The following VPS35L variants were observed in gnomAD, a reference collection of about 807,000 sequenced individuals.
The protein encoded by VPS35L is VPS35 endosomal protein-sorting factor-like.
VPS35L carries 83 observed loss-of-function variants against 133.0 expected under a neutral mutation model. That is an observed-to-expected ratio of 0.62 (90% CI 0.52 to 0.75). The LOEUF is 0.75. Ranked by LOEUF, VPS35L falls within the 30% of genes least tolerant of loss-of-function variation. VPS35L has a pLI of 0.00. For synonymous variants in VPS35L, 423 were observed against 449.9 expected (o/e 0.94, Z 0.76); for missense variants, 1,083 against 1,206.8 (o/e 0.90, Z 1.52).
In VPS35L at chr16:19,633,289, C is replaced by T; in HGVS notation, c.1635+117C>T. 1.1e-6 allele frequency: 1 copy of T among 933,974 alleles called. No homozygotes were observed. Among genetic ancestry groups the T allele is most frequent in the Non-Finnish European group, 1.7e-6 (1 of 583,670 alleles). 57.9% of individuals were successfully genotyped at this position (933,974 alleles called of 1,614,324 possible). ...ACATAATCCTGTGTTTGAATCATAG[C>T]TCTGCCATATCCTAGCCATGTGCCC... On this transcript the variant is annotated intron_variant, in intron 19 of 30. Coordinates refer to ENST00000417362, the MANE Select transcript of VPS35L (RefSeq NM_020314.7). The surrounding 1 kb of genome is among the most constrained non-coding windows in gnomAD (Gnocchi z 4.1).
At chr16:19,557,787 A>C (rs989995799) in intron 1 of VPS35L, among the ~76,000 whole-genome samples, 1 of 151,810 alleles carries the variant, frequency 6.6e-6, no homozygotes, top group Non-Finnish European at 1.5e-5. Context: ...GCGGTCACTC[A>C]TGCCTGTAAT....
In VPS35L at chr16:19,629,823, A is replaced by ATGTGTGAC. The variant is rs1460640037; in HGVS notation, c.1554+8_1554+15dup. 5 of 1,612,768 alleles carry ATGTGTGAC rather than the reference A, an allele frequency of 3.1e-6. No homozygotes were observed. The highest frequency in any genetic ancestry group is 1.7e-5 in the Admixed American group (1 of 59,998). ...AATACACCTGCAAGCATTTCACGGT[A>ATGTGTGAC]TGTGTGACTGTGGTATTGTTTTTGA... On this transcript the variant is annotated splice_donor_region_variant and intron_variant, in intron 18 of 30. Coordinates refer to ENST00000417362, the MANE Select transcript of VPS35L (RefSeq NM_020314.7).
intron 28 of VPS35L, among the ~76,000 whole-genome samples, chr16:19,687,457 A>G (rs1324088816): frequency 6.6e-6 from 1 of 152,210 alleles, no homozygotes; most frequent in African/African-American, 2.4e-5. Flanking sequence ...GGTACAAGTC[A>G]TGACACAGCA....
chr16:19,569,075 G>A (rs1017757021), intron 2 of VPS35L, among the ~76,000 whole-genome samples: 4 of 152,272 alleles, frequency 2.6e-5, no homozygotes, highest in East Asian at 3.9e-4. Flanking sequence ...GGTAGTTGGC[G>A]ATTTGCAACT....
chr16:19,664,073 T>C (rs1974581598), intron 26 of VPS35L, among the ~76,000 whole-genome samples: 4 of 152,066 alleles, frequency 2.6e-5, no homozygotes, highest in Admixed American at 2.6e-4. Flanking sequence ...GCCTGAAACT[T>C]CAGATGGAAA....
intron 24 of VPS35L, among the ~76,000 whole-genome samples, chr16:19,648,646 T>A (rs1031619265): frequency 6.6e-6 from 1 of 152,122 alleles, no homozygotes; most frequent in African/African-American, 2.4e-5. Context: ...GGCTAGCAGA[T>A]CACTTGAGGT....
At chr16:19,656,962 G>GTTTTTTTTTTTTT (rs1180404849) in intron 26 of VPS35L, among the ~76,000 whole-genome samples, 1 of 109,560 alleles carries the variant, frequency 9.1e-6, no homozygotes, top group Non-Finnish European at 1.8e-5. Context: ...AAAAGAACTT[G>GTTTTTTTTTTTTT]TTTTTTTTTT....
chr16:19,590,190 G>A (rs1299194004), intron 7 of VPS35L, among the ~76,000 whole-genome samples: 4 of 122,470 alleles, frequency 3.3e-5, no homozygotes, highest in East Asian at 4.7e-4. Context: ...GGGATGTTTC[G>A]CAAATCAGAC....
chr16:19,696,101 G>T (rs1463657952), intron 29 of VPS35L, among the ~76,000 whole-genome samples: 1 of 152,040 alleles, frequency 6.6e-6, no homozygotes, highest in Non-Finnish European at 1.5e-5. Context: ...AGCCAGGATG[G>T]TCTCGATCTC....
intron 18 of VPS35L, among the ~76,000 whole-genome samples, chr16:19,630,120 A>G (rs1197559364): frequency 6.6e-6 from 1 of 152,068 alleles, no homozygotes; most frequent in Non-Finnish European, 1.5e-5. Context: ...GCGACTGTAC[A>G]TCAGAGTCTA....
rs1451130929 is a variant in VPS35L, at chr16:19,699,644, C to T, written c.2789C>T (p.Thr930Ile). 1.2e-6 allele frequency: 2 copies of T among 1,613,566 alleles called. No individual in the cohort carries two copies. Among genetic ancestry groups the T allele is most frequent in the East Asian group, 2.2e-5 (1 of 44,878 alleles). The change falls in exon 30 of 31, where the codon ACC becomes ATC. Residue 930 changes from threonine to isoleucine, a missense_variant. By Grantham distance (89) the Thr-to-Ile change is moderately conservative. Transcript: ENST00000417362. The surrounding 1 kb of genome is among the most constrained non-coding windows in gnomAD (Gnocchi z 4.2). ...AGGCACGGCTGTGCAGACACCAGGA[C>T]CATGGTGAGGCGCTCGGAGGGCCCC... is the stretch of plus-strand genomic sequence containing the variant. ...AQRHGCADTRTMVKTLEYIKK... is the reference protein window; with the variant it reads ...AQRHGCADTRIMVKTLEYIKK...
intron 9 of VPS35L, among the ~76,000 whole-genome samples, chr16:19,602,098 G>T (rs1972402767): frequency 6.6e-6 from 1 of 152,124 alleles, no homozygotes; most frequent in Non-Finnish European, 1.5e-5. Context: ...ATTAAAGAAT[G>T]ATGTCAAATA....
At chr16:19,605,921 G>A (rs1010011910) in intron 9 of VPS35L, among the ~76,000 whole-genome samples, 2 of 152,158 alleles carry the variant, frequency 1.3e-5, no homozygotes, top group African/African-American at 4.8e-5. Context: ...TCTCCCCAAA[G>A]CCTGGAACAC....
At chr16:19,654,458 C>T (rs147702567) in intron 26 of VPS35L, among the ~76,000 whole-genome samples, 5 of 151,320 alleles carry the variant, frequency 3.3e-5, no homozygotes, top group African/African-American at 1.2e-4. Context: ...TATCGGGAGG[C>T]TGAGGCACAA....
At chr16:19,590,045 G>A (rs11860182) in intron 7 of VPS35L, among the ~76,000 whole-genome samples, 5,551 of 151,326 alleles carry the variant, frequency 0.037, 341 homozygotes, top group African/African-American at 0.13. Context: ...TATGAAAATC[G>A]CAGAGCGAGG....
intron 14 of VPS35L, among the ~76,000 whole-genome samples, chr16:19,625,304 A>G (rs1013136009): frequency 6.6e-6 from 1 of 152,032 alleles, no homozygotes; most frequent in African/African-American, 2.4e-5. Context: ...TGGTTGGGAG[A>G]GGTAAGATCG....
At chr16:19,665,169 G>T (rs751093237) in intron 26 of VPS35L, among the ~76,000 whole-genome samples, 3 of 152,176 alleles carry the variant, frequency 2.0e-5, no homozygotes. Flanking sequence ...TTTATCCTGT[G>T]TGCTACAAAC....
At position 19,608,193 on chromosome 16, in the gene VPS35L, A is replaced by G. The variant is rs140763117; in HGVS notation, c.800A>G (p.Glu267Gly). 52 of 1,613,058 alleles carry G rather than the reference A, an allele frequency of 3.2e-5. No individual in the cohort carries two copies. The highest frequency in any genetic ancestry group is 4.2e-6 in the Non-Finnish European group (5 of 1,179,380). Reference sequence around the variant, plus strand: ...TGTATTACAGATCACTTTTCTCCAGAGAATGCAAATGACACGGCCAAGGAA... The same window carrying G: ...TGTATTACAGATCACTTTTCTCCAGGGAATGCAAATGACACGGCCAAGGAA... ...RSVLPDHFSP[E>G]NANDTAKETC... Residue 267 changes from glutamate to glycine, a missense_variant, in exon 10 of 31, where the codon GAG (glutamate) becomes GGG (glycine). Coordinates refer to ENST00000417362, the MANE Select transcript of VPS35L (RefSeq NM_020314.7).
chr16:19,686,242 G>T (rs1468098919), intron 28 of VPS35L, among the ~76,000 whole-genome samples: 1 of 152,136 alleles, frequency 6.6e-6, no homozygotes, highest in Non-Finnish European at 1.5e-5. Context: ...TTTAGACGAT[G>T]TTGACACAGC....
Sources: allele counts gnomAD v4.1 joint callset (sites outside exome capture counted in the v4.1 genomes callset), GRCh38; gene constraint gnomAD v4.1.1; non-coding constraint Gnocchi (gnomAD v3.1); transcripts MANE v1.5; gene names NCBI Gene and HGNC (gene_info 2026-07-23, HGNC 2026-07-21).